Variants in AFF3 observed in about 807,000 individuals in gnomAD.
AFF3 encodes the protein ALF transcription elongation factor 3.
A neutral mutation model predicts 129.7 loss-of-function variants in AFF3; 32 were observed. The observed-to-expected ratio is 0.25, with a 90% CI of 0.19 to 0.33. The LOEUF (loss-of-function observed/expected upper bound fraction) is 0.33. Among genes scored for constraint, AFF3 ranks in the 10% least tolerant of loss-of-function variants. AFF3 has a pLI of 1.00. For synonymous variants in AFF3, 644 were observed against 635.4 expected, an observed-to-expected ratio of 1.01 and a Z score of -0.20; for missense variants, 1,373 against 1,592.0, an observed-to-expected ratio of 0.86 and a Z score of 2.34.
At chr2:99,790,979 G>A (rs1162772488) in intron 8 of AFF3, among the ~76,000 whole-genome samples, 2 of 152,194 alleles carry the variant, frequency 1.3e-5, no homozygotes, top group African/African-American at 2.4e-5. Context: ...CAGAAAGAAC[G>A]AAGCGAGTAC....
chr2:100,057,529 T>C (rs1686901456), intron 4 of AFF3, among the ~76,000 whole-genome samples: 1 of 152,108 alleles, frequency 6.6e-6, no homozygotes, highest in Non-Finnish European at 1.5e-5. Flanking sequence ...TCAAGACCAA[T>C]TATCATTGCC....
chr2:99,566,624 C>A (rs1575373434), intron 19 of AFF3, among the ~76,000 whole-genome samples: 1 of 152,198 alleles, frequency 6.6e-6, no homozygotes, highest in African/African-American at 2.4e-5. Context: ...CCCACATCAG[C>A]AAGGGCAGCC....
At chr2:99,919,509 G>A (rs979063117) in intron 7 of AFF3, among the ~76,000 whole-genome samples, 2 of 152,010 alleles carry the variant, frequency 1.3e-5, no homozygotes, top group Non-Finnish European at 2.9e-5. Flanking sequence ...TGTTGAATAG[G>A]TGAATTCTGT....
intron 4 of AFF3, among the ~76,000 whole-genome samples, chr2:100,040,162 C>A (rs62149340): frequency 7.4e-4 from 113 of 152,258 alleles, no homozygotes; most frequent in Non-Finnish European, 1.4e-3. Flanking sequence ...ACGCTCTTGT[C>A]ACAAGAAGCC....
At chr2:99,725,924 T>C (rs1679329051) in intron 11 of AFF3, among the ~76,000 whole-genome samples, 2 of 152,228 alleles carry the variant, frequency 1.3e-5, no homozygotes, top group South Asian at 2.1e-4. Context: ...TTATGCAGTT[T>C]CTACTGTTAC....
intron 7 of AFF3, among the ~76,000 whole-genome samples, chr2:99,903,893 C>T (rs1694526512): frequency 6.6e-6 from 1 of 152,146 alleles, no homozygotes; most frequent in Admixed American, 6.5e-5. Context: ...CTCTATCTGA[C>T]ATCCTTTTAA....
intron 7 of AFF3, among the ~76,000 whole-genome samples, chr2:99,929,339 TAAATA>T (rs10687740): frequency 5.3e-5 from 8 of 151,318 alleles, no homozygotes; most frequent in African/African-American, 1.7e-4. Flanking sequence ...AAAGAATAAA[TAAATA>T]AAATAAAATA....
intron 11 of AFF3, among the ~76,000 whole-genome samples, chr2:99,705,234 T>C (rs1329820507): frequency 1.3e-5 from 2 of 152,144 alleles, no homozygotes; most frequent in Non-Finnish European, 2.9e-5. Flanking sequence ...GAGGAAGGGC[T>C]GGTGAGAAAT....
intron 7 of AFF3, among the ~76,000 whole-genome samples, chr2:99,849,586 T>G (rs190586053): frequency 1.3e-4 from 20 of 152,294 alleles, no homozygotes; most frequent in African/African-American, 4.8e-4. Flanking sequence ...AGGCAACGCA[T>G]ATAAAGCATT....
chr2:99,700,196 A>G (rs1044809667), intron 11 of AFF3, among the ~76,000 whole-genome samples: 6 of 151,666 alleles, frequency 4.0e-5, no homozygotes, highest in African/African-American at 1.2e-4. Flanking sequence ...TCTCAGCTCA[A>G]TGCAACCTCC....
chr2:99,971,132 T>A (rs62149298), intron 7 of AFF3, among the ~76,000 whole-genome samples: 14,454 of 152,182 alleles, frequency 0.095, 946 homozygotes, highest in Non-Finnish European at 0.13. Context: ...TCCAATTTGT[T>A]CTCCCTTCAC....
intron 7 of AFF3, among the ~76,000 whole-genome samples, chr2:99,939,318 T>C (rs1405555797): frequency 6.6e-6 from 1 of 152,196 alleles, no homozygotes; most frequent in Non-Finnish European, 1.5e-5. Context: ...TATTAGAAAA[T>C]AAATACAAAT....
intron 11 of AFF3, among the ~76,000 whole-genome samples, chr2:99,715,209 G>A (rs1678267017): frequency 6.6e-6 from 1 of 152,152 alleles, no homozygotes; most frequent in South Asian, 2.1e-4. Context: ...CTCCTCCTCA[G>A]CCCTAGCTTC....
At chr2:99,925,185 G>T (rs1696137744) in intron 7 of AFF3, among the ~76,000 whole-genome samples, 1 of 152,030 alleles carries the variant, frequency 6.6e-6, no homozygotes, top group African/African-American at 2.4e-5. Context: ...CCCCAAAGGA[G>T]AATTTTTATT....
chr2:100,099,400 G>A (rs1329029494), intron 4 of AFF3, among the ~76,000 whole-genome samples: 4 of 152,150 alleles, frequency 2.6e-5, no homozygotes, highest in African/African-American at 4.8e-5. Flanking sequence ...AAGCATCAGC[G>A]GGCACTACTA....
intron 11 of AFF3, among the ~76,000 whole-genome samples, chr2:99,711,146 GC>G (rs1483902295): frequency 6.6e-6 from 1 of 152,048 alleles, no homozygotes; most frequent in Non-Finnish European, 1.5e-5. Context: ...GGAAATACCA[GC>G]CCTTTCTTCA....
At chr2:99,646,866 T>C (rs1415989005) in intron 13 of AFF3, among the ~76,000 whole-genome samples, 1 of 152,254 alleles carries the variant, frequency 6.6e-6, no homozygotes, top group Non-Finnish European at 1.5e-5. Context: ...ATCATTATTT[T>C]GAAGAAGGGT....
At chr2:99,699,452 A>T (rs1438606249) in intron 11 of AFF3, among the ~76,000 whole-genome samples, 2 of 152,254 alleles carry the variant, frequency 1.3e-5, no homozygotes, top group Non-Finnish European at 2.9e-5. Context: ...ATCGCCTGGC[A>T]TACTAAAAGT....
At position 99,596,638 on chromosome 2, in the gene AFF3, C is replaced by T. The variant is rs1164495193; in HGVS notation, c.1372-2349G>A. ...CCACTGCGTTTCACACTAGTTCTCC[C>T]TCACTGCTACCATCCGGAGCCTTCT... On this transcript the variant is annotated intron_variant, in intron 14 of 24. Coordinates refer to ENST00000672756, the MANE Select transcript of AFF3 (RefSeq NM_001386135.1). Among the ~76,000 whole-genome samples the T allele has an allele frequency of 7.3e-5, 11 of 150,570 alleles. No homozygotes were observed. The East Asian group carries it at 2.0e-3, about 27-fold the overall frequency.
Sources: allele counts gnomAD v4.1 joint callset (sites outside exome capture counted in the v4.1 genomes callset), GRCh38; gene constraint gnomAD v4.1.1; transcripts MANE v1.5; gene names NCBI Gene and HGNC (gene_info 2026-07-23, HGNC 2026-07-21).